The following ADAMTS19 variants were observed in gnomAD, a reference collection of about 807,000 sequenced individuals.
The protein encoded by ADAMTS19 is ADAM metallopeptidase with thrombospondin type 1 motif 19.
Under a neutral mutation model 153.3 loss-of-function variants are expected in ADAMTS19, and 93 were observed. That is an observed-to-expected ratio of 0.61 (90% confidence interval 0.51 to 0.72). ADAMTS19 has a LOEUF of 0.72. Ranked by LOEUF, ADAMTS19 falls within the 30% of genes least tolerant of loss-of-function variation. The pLI is 0.00. For missense variants in ADAMTS19, 1,482 were observed against 1,552.1 expected, an observed-to-expected ratio of 0.95 and a Z score of 0.76; for synonymous variants, 600 against 556.6, an observed-to-expected ratio of 1.08 and a Z score of -1.10.
chr5:129,470,179 A>G (rs1056135184), intron 2 of ADAMTS19, among the ~76,000 whole-genome samples: 1 of 152,242 alleles, frequency 6.6e-6, no homozygotes, highest in African/African-American at 2.4e-5. Context: ...ATCATATAGT[A>G]TTCTTTTAAA....
intron 2 of ADAMTS19, among the ~76,000 whole-genome samples, chr5:129,486,871 A>T (rs889549437): frequency 6.6e-6 from 1 of 152,224 alleles, no homozygotes; most frequent in African/African-American, 2.4e-5. Context: ...AATATTAAGT[A>T]ATCTAAAATA....
intron 7 of ADAMTS19, among the ~76,000 whole-genome samples, chr5:129,556,911 A>G (rs934073302): frequency 1.3e-5 from 2 of 152,172 alleles, no homozygotes; most frequent in Non-Finnish European, 2.9e-5. Flanking sequence ...TCAAACTTCT[A>G]ACCTAGAAAA....
At chr5:129,468,853 T>C (rs1046242699) in intron 2 of ADAMTS19, among the ~76,000 whole-genome samples, 3 of 151,996 alleles carry the variant, frequency 2.0e-5, no homozygotes, top group Non-Finnish European at 2.9e-5. Context: ...CTTGGCTCAC[T>C]GCAACCTCCG....
chr5:129,654,177 AACATT>A lies in ADAMTS19; in HGVS notation c.2177-121_2177-117del, dbSNP rs142494550. On this transcript the variant is annotated intron_variant, in intron 13 of 22. Coordinates refer to ENST00000274487, the MANE Select transcript of ADAMTS19 (RefSeq NM_133638.6). ...GAAATCTTCTAATGTTATCTACTCT[AACATT>A]ACATTACTTAATTAGCATTGAATTA... The A allele has an allele frequency of 6.0e-3, 5,262 of 871,122 alleles. 28 individuals carry two copies. The highest frequency in any genetic ancestry group is 7.4e-3 in the Non-Finnish European group (4,474 of 601,872). The allele number at this position is 871,122 out of a possible 1,614,324, so 54.0% of individuals were successfully genotyped here. A position where few individuals can be genotyped will look rare whatever the true frequency, so the allele number is the denominator to read the frequency against.
chr5:129,623,896 G>A (rs1038978900), intron 10 of ADAMTS19, among the ~76,000 whole-genome samples: 3 of 151,650 alleles, frequency 2.0e-5, no homozygotes, highest in African/African-American at 7.3e-5. Context: ...CGAGACGGGC[G>A]GATCACGAGG....
chr5:129,737,052 T>C lies in ADAMTS19; in HGVS notation c.3491-15T>C. ...ATATCTGCATGGAGTGAATTCACTA[T>C]GTTCTGTTTCACAGCTGCTCTGACT... On this transcript the variant is annotated splice_polypyrimidine_tract_variant and intron_variant, in intron 22 of 22. Coordinates refer to ENST00000274487, the MANE Select transcript of ADAMTS19 (RefSeq NM_133638.6). 1.3e-6 allele frequency: 2 copies of C among 1,571,992 alleles called. No individual in the cohort carries two copies. The highest frequency in any genetic ancestry group is 1.7e-6 in the Non-Finnish European group (2 of 1,152,440).
At chr5:129,645,534 G>C (rs30682) in intron 11 of ADAMTS19, among the ~76,000 whole-genome samples, 71,515 of 151,980 alleles carry the variant, frequency 0.47, 19,560 homozygotes, top group African/African-American at 0.76. Flanking sequence ...TTTCACTGAT[G>C]TGTATATGCA....
intron 3 of ADAMTS19, among the ~76,000 whole-genome samples, chr5:129,512,904 C>G (rs1289868094): frequency 6.6e-6 from 1 of 151,942 alleles, no homozygotes; most frequent in African/African-American, 2.4e-5. Context: ...CTCAGGACTT[C>G]CCTTTTTTTT....
At chr5:129,657,651 A>G (rs1753602726) in intron 14 of ADAMTS19, among the ~76,000 whole-genome samples, 2 of 152,236 alleles carry the variant, frequency 1.3e-5, no homozygotes, top group Admixed American at 6.5e-5. Flanking sequence ...TAAAGCAGCC[A>G]TAGGTTGTGA....
At chr5:129,701,683 A>G in intron 20 of ADAMTS19, 91 bp downstream of exon 20, 1 of 1,374,764 alleles carries the variant, frequency 7.3e-7, no homozygotes, top group Non-Finnish European at 9.7e-7. Context: ...TCTGCATTGA[A>G]GTTGATATTT....
chr5:129,647,660 C>A, intron 11 of ADAMTS19, 105 bp from the exon 12 acceptor site: 1 of 1,353,286 alleles, frequency 7.4e-7, no homozygotes, highest in Non-Finnish European at 1.0e-6. Context: ...ATGTTTGTGG[C>A]TCTAGTAGAC....
intron 7 of ADAMTS19, among the ~76,000 whole-genome samples, chr5:129,588,789 T>A (rs1749949661): frequency 1.3e-5 from 2 of 151,848 alleles, no homozygotes. Context: ...CATGTGTTAT[T>A]TATGGCCAGA....
chr5:129,648,015 C>A (rs571602389), intron 12 of ADAMTS19, 120 bp downstream of exon 12: 3 of 1,070,486 alleles, frequency 2.8e-6, no homozygotes, highest in South Asian at 5.5e-5. Flanking sequence ...CGTTGGAAAA[C>A]AGAAAAGTCC....
chr5:129,555,066 C>A (rs533244303), intron 7 of ADAMTS19, among the ~76,000 whole-genome samples: 1 of 152,020 alleles, frequency 6.6e-6, no homozygotes, highest in Non-Finnish European at 1.5e-5. Context: ...CTTCTTTTCT[C>A]TTTTATCTAT....
intron 10 of ADAMTS19, among the ~76,000 whole-genome samples, chr5:129,630,662 G>A (rs1752245631): frequency 6.6e-6 from 1 of 151,744 alleles, no homozygotes. Flanking sequence ...AAAGGTAGAG[G>A]AAATATTTTT....
chr5:129,522,316 T>TATACACAC (rs1249492013), intron 3 of ADAMTS19, among the ~76,000 whole-genome samples: 1 of 91,968 alleles, frequency 1.1e-5, no homozygotes, highest in African/African-American at 4.7e-5. Context: ...TATATATATA[T>TATACACAC]ACACACACAC....
chr5:129,575,652 T>C (rs1295894988), intron 7 of ADAMTS19, among the ~76,000 whole-genome samples: 1 of 152,132 alleles, frequency 6.6e-6, no homozygotes, highest in Non-Finnish European at 1.5e-5. Context: ...TTCAGCTGTT[T>C]CTGTGTAGAC....
chr5:129,693,702 G>A (rs1755435437), intron 18 of ADAMTS19, among the ~76,000 whole-genome samples: 1 of 147,720 alleles, frequency 6.8e-6, no homozygotes, highest in Non-Finnish European at 1.5e-5. Context: ...TCCTGTAAAG[G>A]AAGTGTGCTT....
chr5:129,642,473 A>C lies in ADAMTS19; in HGVS notation c.1872+513A>C, dbSNP rs559375688. Among the ~76,000 whole-genome samples the C allele has an allele frequency of 2.0e-5, 3 of 152,288 alleles. No homozygotes were observed. The East Asian group carries it at 5.8e-4, about 29-fold the overall frequency. ...TAATGTACTTCATAAGGCTTTAAAA[A>C]TTTGTTAGTATACATTTCCAGATCT... On this transcript the variant is annotated intron_variant, in intron 11 of 22. Coordinates refer to ENST00000274487, the MANE Select transcript of ADAMTS19 (RefSeq NM_133638.6).
Sources: allele counts gnomAD v4.1 joint callset (sites outside exome capture counted in the v4.1 genomes callset), GRCh38; gene constraint gnomAD v4.1.1; transcripts MANE v1.5; gene names NCBI Gene and HGNC (gene_info 2026-07-23, HGNC 2026-07-21).